CDYL: variants seen among roughly 807,000 people sequenced by gnomAD.
CDYL encodes the protein chromodomain Y-like protein.
CDYL carries 8 observed loss-of-function variants against 47.3 expected under a neutral mutation model. The observed-to-expected ratio is 0.17, with a 90% CI of 0.10 to 0.31. CDYL has a LOEUF of 0.31. CDYL is among the 10% of genes least tolerant of loss of function. The probability of loss-of-function intolerance (pLI) is 1.00; values close to 1 mark genes in which losing one functional copy is unlikely to be tolerated. For synonymous variants in CDYL, 266 were observed against 265.0 expected (o/e 1.00, Z -0.04); for missense variants, 471 against 701.4 (o/e 0.67, Z 3.71).
chr6:4,865,282 C>T lies in CDYL; in HGVS notation c.25-26431C>T, dbSNP rs1391950582. On this transcript the variant is annotated intron_variant, in intron 1 of 6. Transcript: ENST00000397588. Reference sequence around the variant, plus strand: ...TCCCTTCCCGCCAAACTACTCATCCCGCCACTCGGGCTCATACCCCTTCTG... The same window carrying T: ...TCCCTTCCCGCCAAACTACTCATCCTGCCACTCGGGCTCATACCCCTTCTG... Among the ~76,000 whole-genome samples the T allele has an allele frequency of 8.5e-5, 13 of 152,178 alleles. No homozygotes were observed. In the East Asian group the frequency reaches 2.1e-3, roughly 25 times the overall value.
chr6:4,953,210 C>G (rs1057162113), intron 6 of CDYL, among the ~76,000 whole-genome samples: 1 of 151,698 alleles, frequency 6.6e-6, no homozygotes, highest in Admixed American at 6.6e-5. Context: ...ATGGCAAAAC[C>G]CCGTCTGTAC....
chr6:4,799,191 T>C (rs1303126589), intron 1 of CDYL, among the ~76,000 whole-genome samples: 2 of 152,234 alleles, frequency 1.3e-5, no homozygotes, highest in African/African-American at 2.4e-5. Context: ...TAGAATTAGG[T>C]TAAATTGTGG....
chr6:4,933,466 G>T (rs187161281), intron 2 of CDYL, among the ~76,000 whole-genome samples: 2 of 152,236 alleles, frequency 1.3e-5, no homozygotes, highest in East Asian at 3.9e-4. Flanking sequence ...TGGCCATGTG[G>T]ACTCTGGGTC....
intron 3 of CDYL, among the ~76,000 whole-genome samples, chr6:4,764,381 C>A (rs1758220786): frequency 6.6e-6 from 1 of 152,060 alleles, no homozygotes. Context: ...CCTCTGCCTT[C>A]CAGGTTCAAA....
intron 2 of CDYL, among the ~76,000 whole-genome samples, chr6:4,898,179 A>C (rs965863840): frequency 1.3e-5 from 2 of 151,966 alleles, no homozygotes; most frequent in Non-Finnish European, 2.9e-5. Flanking sequence ...CTATGGTTGC[A>C]CCACTACACT....
At chr6:4,953,870 C>T in intron 6 of CDYL, 28 bp from the exon 7 acceptor site, 3 of 1,606,708 alleles carry the variant, frequency 1.9e-6, no homozygotes, top group Middle Eastern at 2.1e-4. Context: ...ATGCACCCTG[C>T]TAACTGGCTG....
At chr6:4,717,512 CAAT>C (rs1286321594) in intron 2 of CDYL, among the ~76,000 whole-genome samples, 1 of 151,382 alleles carries the variant, frequency 6.6e-6, no homozygotes, top group East Asian at 2.0e-4. Flanking sequence ...GCCTGGCCAA[CAAT>C]GTGAGGCTCC....
At chr6:4,833,829 G>C (rs965227259) in intron 1 of CDYL, among the ~76,000 whole-genome samples, 2 of 151,896 alleles carry the variant, frequency 1.3e-5, no homozygotes, top group African/African-American at 4.8e-5. Context: ...ATTATGTAAT[G>C]GCCTTCTTTG....
intron 1 of CDYL, among the ~76,000 whole-genome samples, chr6:4,821,618 A>G (rs1302213443): frequency 6.6e-6 from 1 of 151,796 alleles, no homozygotes; most frequent in Non-Finnish European, 1.5e-5. Flanking sequence ...CTGTAATCCC[A>G]GCTATTCAGG....
At chr6:4,819,891 G>A (rs1351198227) in intron 1 of CDYL, among the ~76,000 whole-genome samples, 2 of 152,174 alleles carry the variant, frequency 1.3e-5, no homozygotes, top group Non-Finnish European at 2.9e-5. Flanking sequence ...GGCCCCAGAT[G>A]CCAGTAGTGC....
In CDYL at chr6:4,954,256, T is replaced by A; in HGVS notation, c.*200T>A. On this transcript the variant is annotated 3_prime_UTR_variant, in exon 7 of 7. Coordinates refer to ENST00000397588, the MANE Select transcript of CDYL (RefSeq NM_004824.4). ...ACTTTAAAATAAATAACTACAAAGC[T>A]TCTTTGTCCAAACGTCATTATTTTA... is the stretch of plus-strand genomic sequence containing the variant. The A allele has an allele frequency of 2.0e-6, 1 of 501,622 alleles. No homozygotes were observed. The highest frequency in any genetic ancestry group is 3.5e-6 in the Non-Finnish European group (1 of 289,428). 31.1% of individuals were successfully genotyped at this position (501,622 alleles called of 1,614,324 possible). A position where few individuals can be genotyped will look rare whatever the true frequency, so the allele number is the denominator to read the frequency against.
chr6:4,776,102 C>T (rs999731414), upstream of CDYL, among the ~76,000 whole-genome samples: 27 of 150,260 alleles, frequency 1.8e-4, no homozygotes, highest in South Asian at 2.1e-4. Context: ...GGCGGTGCCG[C>T]GGGCCAGGCC....
In CDYL at chr6:4,795,663, G is replaced by A. The variant is rs570221423; in HGVS notation, c.24+18856G>A. ...CTATACTGGCTCTGTGATTCAGCAT[G>A]CCTCATTCTTTTTGTACCTTTTCTC... On this transcript the variant is annotated intron_variant, in intron 1 of 6. Transcript: ENST00000397588. Among the ~76,000 whole-genome samples the A allele has an allele frequency of 4.6e-5, 7 of 150,876 alleles. No homozygotes were observed. The East Asian group carries it at 9.7e-4, about 21-fold the overall frequency.
At chr6:4,813,165 G>A (rs1759575730) in intron 1 of CDYL, among the ~76,000 whole-genome samples, 1 of 152,118 alleles carries the variant, frequency 6.6e-6, no homozygotes, top group African/African-American at 2.4e-5. Flanking sequence ...GCTTTTCCTT[G>A]TGTTTATGCA....
intron 1 of CDYL, among the ~76,000 whole-genome samples, chr6:4,783,272 T>C (rs548810702): frequency 6.6e-6 from 1 of 152,008 alleles, no homozygotes; most frequent in Non-Finnish European, 1.5e-5. Context: ...TAATTATTAT[T>C]ATCTGGACAT....
chr6:4,777,581 G>C (rs1342220918), intron 1 of CDYL, among the ~76,000 whole-genome samples: 1 of 152,158 alleles, frequency 6.6e-6, no homozygotes, highest in Admixed American at 6.5e-5. Flanking sequence ...AGTTTGGAAG[G>C]CTTTCTGTTC....
In CDYL at chr6:4,828,485, G is replaced by A. The variant is rs188326781; in HGVS notation, c.24+51678G>A. 3.9e-5 allele frequency among the ~76,000 whole-genome samples: 6 copies of A among 152,132 alleles called. No individual in the cohort carries two copies. The East Asian group carries it at 1.2e-3, about 29-fold the overall frequency. Reference sequence around the variant, plus strand: ...TTCCATGATTTCTGTTGAGAAATCAGCTATTAATCTTATTAAGGATACCTT... The same window carrying A: ...TTCCATGATTTCTGTTGAGAAATCAACTATTAATCTTATTAAGGATACCTT... On this transcript the variant is annotated intron_variant, in intron 1 of 6. Coordinates refer to ENST00000397588, the MANE Select transcript of CDYL (RefSeq NM_004824.4).
chr6:4,889,079 G>A (rs1490143574), intron 1 of CDYL, among the ~76,000 whole-genome samples: 2 of 152,116 alleles, frequency 1.3e-5, no homozygotes, highest in East Asian at 3.9e-4. Context: ...TTATCTCCTT[G>A]TCAGACTTGC....
At chr6:4,763,326 T>C (rs1286920764) in intron 3 of CDYL, among the ~76,000 whole-genome samples, 2 of 152,164 alleles carry the variant, frequency 1.3e-5, no homozygotes, top group East Asian at 3.9e-4. Flanking sequence ...GACAAAATAA[T>C]GAGTTAAATA....
Sources: allele counts gnomAD v4.1 joint callset (sites outside exome capture counted in the v4.1 genomes callset), GRCh38; gene constraint gnomAD v4.1.1; transcripts MANE v1.5; gene names NCBI Gene and HGNC (gene_info 2026-07-23, HGNC 2026-07-21).